The following SPAG16 variants were observed in gnomAD, a reference collection of about 807,000 sequenced individuals.
SPAG16 encodes sperm associated antigen 16.
A neutral mutation model predicts 80.4 loss-of-function variants in SPAG16; 86 were observed. That is an observed-to-expected ratio of 1.07 (90% CI 0.90 to 1.28). The LOEUF is 1.28. Ranked by LOEUF, SPAG16 falls within the 50% of genes most tolerant of loss-of-function variation. The pLI is 0.00. For synonymous variants in SPAG16, 294 were observed against 265.9 expected (o/e 1.11, Z -1.03); for missense variants, 870 against 765.3 (o/e 1.14, Z -1.61).
chr2:213,424,419 T>C (rs1490348757), intron 9 of SPAG16, among the ~76,000 whole-genome samples: 2 of 152,224 alleles, frequency 1.3e-5, no homozygotes, highest in African/African-American at 4.8e-5. Flanking sequence ...TGAACTAATA[T>C]GAAAAGATGG....
intron 9 of SPAG16, among the ~76,000 whole-genome samples, chr2:213,451,696 T>C (rs1052686559): frequency 3.9e-5 from 6 of 152,064 alleles, no homozygotes; most frequent in Admixed American, 3.3e-4. Flanking sequence ...TTTATATAAA[T>C]GGGCTAGTGA....
At chr2:214,123,502 C>G (rs1225949650) in intron 14 of SPAG16, among the ~76,000 whole-genome samples, 2 of 151,902 alleles carry the variant, frequency 1.3e-5, no homozygotes, top group African/African-American at 4.8e-5. Flanking sequence ...ACTTAGCAAC[C>G]CTTTACATCA....
At chr2:213,889,141 CAGTAA>C (rs2076679618) in intron 11 of SPAG16, among the ~76,000 whole-genome samples, 1 of 151,756 alleles carries the variant, frequency 6.6e-6, no homozygotes, top group Non-Finnish European at 1.5e-5. Context: ...AGTACAATAT[CAGTAA>C]ATGGCACTTT....
intron 10 of SPAG16, among the ~76,000 whole-genome samples, chr2:213,701,054 A>G (rs902114515): frequency 2.0e-5 from 3 of 152,084 alleles, no homozygotes; most frequent in Admixed American, 2.0e-4. Context: ...AGCCTGGCCA[A>G]CATGGTGAAA....
At chr2:213,652,123 C>A (rs745614522) in intron 10 of SPAG16, among the ~76,000 whole-genome samples, 1 of 152,144 alleles carries the variant, frequency 6.6e-6, no homozygotes, top group Non-Finnish European at 1.5e-5. Context: ...GTCAGCATCA[C>A]CACTTATTAG....
At chr2:213,876,247 T>C (rs534334434) in intron 11 of SPAG16, among the ~76,000 whole-genome samples, 1 of 146,434 alleles carries the variant, frequency 6.8e-6, no homozygotes, top group South Asian at 2.1e-4. Flanking sequence ...ACTTCAAGGA[T>C]AGCTAATTGG....
At chr2:214,090,315 A>C (rs1301032404) in intron 13 of SPAG16, among the ~76,000 whole-genome samples, 6 of 151,988 alleles carry the variant, frequency 3.9e-5, no homozygotes, top group Non-Finnish European at 7.4e-5. Flanking sequence ...TAAACACTAA[A>C]AAAGATGAAA....
chr2:214,277,985 C>T (rs978338419), intron 15 of SPAG16, among the ~76,000 whole-genome samples: 5 of 152,222 alleles, frequency 3.3e-5, no homozygotes, highest in Admixed American at 2.6e-4. Context: ...TGCCTGGCTG[C>T]TTTGTTTACC....
intron 15 of SPAG16, among the ~76,000 whole-genome samples, chr2:214,285,145 C>A (rs1167786194): frequency 6.6e-6 from 1 of 151,990 alleles, no homozygotes; most frequent in Non-Finnish European, 1.5e-5. Flanking sequence ...TATCTTTTAT[C>A]TTTTTGATAA....
At position 213,862,467 on chromosome 2, in the gene SPAG16, T is replaced by G. The variant is rs1462419014; in HGVS notation, c.1071-18T>G. On this transcript the variant is annotated intron_variant, in intron 10 of 15. Transcript: ENST00000331683. ...GCTATTATCTCCCCATAACTCTTTTTTCTTTCTCCTCGCGCAGTGTCTCCA... is the reference window on the plus strand; with the variant it reads ...GCTATTATCTCCCCATAACTCTTTTGTCTTTCTCCTCGCGCAGTGTCTCCA... 1 of 1,611,322 alleles carries G rather than the reference T, an allele frequency of 6.2e-7. No individual in the cohort carries two copies. Among genetic ancestry groups the G allele is most frequent in the East Asian group, 2.2e-5 (1 of 44,788 alleles).
chr2:213,857,205 G>T (rs2372266), intron 10 of SPAG16, among the ~76,000 whole-genome samples: 1 of 152,016 alleles, frequency 6.6e-6, no homozygotes, highest in Non-Finnish European at 1.5e-5. Context: ...ACTCCAGCCT[G>T]GGTGACAGAG....
At chr2:214,078,621 TTC>T (rs1391437629) in intron 13 of SPAG16, among the ~76,000 whole-genome samples, 1 of 152,130 alleles carries the variant, frequency 6.6e-6, no homozygotes, top group East Asian at 1.9e-4. Context: ...TATTTTACTT[TTC>T]TCTTTAAACA....
At chr2:213,948,529 T>TG (rs1167753243) in intron 12 of SPAG16, among the ~76,000 whole-genome samples, 4 of 152,326 alleles carry the variant, frequency 2.6e-5, no homozygotes, top group Non-Finnish European at 2.9e-5. Context: ...GCAGATGCTT[T>TG]GCTGGTGGTT....
chr2:213,951,851 T>G (rs1265040902), intron 12 of SPAG16, among the ~76,000 whole-genome samples: 1 of 152,142 alleles, frequency 6.6e-6, no homozygotes, highest in Non-Finnish European at 1.5e-5. Context: ...CTGAGGATGT[T>G]TTGAGATTCG....
chr2:213,946,838 C>T (rs1181512709), intron 12 of SPAG16, among the ~76,000 whole-genome samples: 1 of 152,078 alleles, frequency 6.6e-6, no homozygotes, highest in Admixed American at 6.6e-5. Context: ...TTCATGTTAC[C>T]CCTTAATTAC....
chr2:213,678,787 A>G (rs2064231057), intron 10 of SPAG16, among the ~76,000 whole-genome samples: 1 of 152,192 alleles, frequency 6.6e-6, no homozygotes, highest in Admixed American at 6.6e-5. Context: ...GGTTGTACGC[A>G]GGCAGCACTT....
At chr2:214,350,831 T>C (rs910116216) in intron 15 of SPAG16, among the ~76,000 whole-genome samples, 1 of 152,134 alleles carries the variant, frequency 6.6e-6, no homozygotes, top group African/African-American at 2.4e-5. Flanking sequence ...GGATGTGTAA[T>C]AGGAGATCTC....
At chr2:214,360,045 A>T (rs1357648322) in intron 15 of SPAG16, among the ~76,000 whole-genome samples, 1 of 151,890 alleles carries the variant, frequency 6.6e-6, no homozygotes. Flanking sequence ...CTTGTTGAAC[A>T]GAACTTGGTC....
intron 10 of SPAG16, among the ~76,000 whole-genome samples, chr2:213,776,952 A>G (rs1294956977): frequency 1.3e-5 from 2 of 151,718 alleles, no homozygotes; most frequent in African/African-American, 4.8e-5. Context: ...ATAATAGTGG[A>G]AAAAAAGGTA....
Sources: allele counts gnomAD v4.1 joint callset (sites outside exome capture counted in the v4.1 genomes callset), GRCh38; gene constraint gnomAD v4.1.1; transcripts MANE v1.5; gene names NCBI Gene and HGNC (gene_info 2026-07-23, HGNC 2026-07-21).